Variants in ZNF536 observed in about 807,000 individuals in gnomAD.
ZNF536 encodes the protein zinc finger protein 536.
Under a neutral mutation model 84.5 loss-of-function variants are expected in ZNF536, and 13 were observed. The observed-to-expected ratio is 0.15, with a 90% CI of 0.10 to 0.24. The LOEUF (loss-of-function observed/expected upper bound fraction) is 0.24. Among genes scored for constraint, ZNF536 ranks in the 10% least tolerant of loss-of-function variants. The pLI is 1.00. For missense variants in ZNF536, 1,536 were observed against 1,747.5 expected, an observed-to-expected ratio of 0.88 and a Z score of 2.16; for synonymous variants, 811 against 742.5, an observed-to-expected ratio of 1.09 and a Z score of -1.50.
intron 1 of ZNF536, among the ~76,000 whole-genome samples, chr19:30,388,841 C>T (rs1452544028): frequency 6.6e-6 from 1 of 152,226 alleles, no homozygotes; most frequent in Non-Finnish European, 1.5e-5. Flanking sequence ...CCTCCACTTT[C>T]CAGGCTTAAA....
chr19:30,457,889 C>T (rs1473007306), intron 2 of ZNF536, among the ~76,000 whole-genome samples: 1 of 152,218 alleles, frequency 6.6e-6, no homozygotes, highest in African/African-American at 2.4e-5. Flanking sequence ...GAACGTCCAT[C>T]TGCAGCCTGC....
intron 1 of ZNF536, among the ~76,000 whole-genome samples, chr19:30,605,136 T>C (rs1390386991): frequency 6.6e-6 from 1 of 152,176 alleles, no homozygotes; most frequent in East Asian, 1.9e-4. Context: ...ATTGATGCTG[T>C]AGGAAGGTAA....
rs2148177637 is a variant in ZNF536 at position 30,444,290 on chromosome 19, A to G, written c.728A>G (p.Gln243Arg). The change falls in exon 2 of 5, where the codon CAG becomes CGG. Residue 243 changes from glutamine (Q) to arginine (R), a missense_variant. Physicochemically the swap from Gln to Arg is conservative, Grantham distance 43 (BLOSUM62 1). This residue lies in a region of ZNF536 where 138 missense variants were observed against 136.8 expected (regional missense o/e 1.01). Coordinates refer to ENST00000355537, the MANE Select transcript of ZNF536 (RefSeq NM_014717.3). Reference sequence around the variant, plus strand: ...CTGGCCGCCTGCACCCTGGCCCTGCAGGCTAACCACAGCGTTCCCGACGTG... The same window carrying G: ...CTGGCCGCCTGCACCCTGGCCCTGCGGGCTAACCACAGCGTTCCCGACGTG... ...APLAACTLALQANHSVPDVAH... is the reference protein window; with the variant it reads ...APLAACTLALRANHSVPDVAH... 1 of 1,574,548 alleles carries G rather than the reference A, an allele frequency of 6.4e-7. No individual in the cohort carries two copies. Among genetic ancestry groups the G allele is most frequent in the Non-Finnish European group, 8.6e-7 (1 of 1,167,924 alleles).
intron 1 of ZNF536, among the ~76,000 whole-genome samples, chr19:30,254,969 T>C (rs1269900531): frequency 6.6e-6 from 1 of 152,248 alleles, no homozygotes; most frequent in Non-Finnish European, 1.5e-5. Context: ...CTAGATATCA[T>C]GTTAACTTCT....
intron 1 of ZNF536, among the ~76,000 whole-genome samples, chr19:30,372,971 G>A (rs1568367143): frequency 6.6e-6 from 1 of 152,138 alleles, no homozygotes; most frequent in Non-Finnish European, 1.5e-5. Flanking sequence ...TGAAAGATGA[G>A]CATGAATTCT....
At chr19:30,335,334 C>T (rs549172467) in intron 2 of ZNF536, among the ~76,000 whole-genome samples, 3 of 152,264 alleles carry the variant, frequency 2.0e-5, no homozygotes, top group East Asian at 1.9e-4. Flanking sequence ...ATGAGAGGCT[C>T]GGTTACATCT....
chr19:30,564,537 G>A (rs1009538985), intron 1 of ZNF536, among the ~76,000 whole-genome samples: 4 of 152,072 alleles, frequency 2.6e-5, no homozygotes, highest in Non-Finnish European at 5.9e-5. Flanking sequence ...TGGTGGTCCT[G>A]GTGGTCAGGC....
chr19:30,485,037 G>A (rs1192680061), intron 2 of ZNF536, among the ~76,000 whole-genome samples: 2 of 151,954 alleles, frequency 1.3e-5, no homozygotes, highest in Non-Finnish European at 2.9e-5. Context: ...CCAGCTACTC[G>A]GGAGGCTGAG....
At chr19:30,329,695 C>G (rs1056938617) in intron 2 of ZNF536, among the ~76,000 whole-genome samples, 1 of 152,192 alleles carries the variant, frequency 6.6e-6, no homozygotes, top group Non-Finnish European at 1.5e-5. Flanking sequence ...TCTCTGCACC[C>G]AGCTGTACTA....
At chr19:30,237,559 G>C (rs768258819) in intron 1 of ZNF536, among the ~76,000 whole-genome samples, 1 of 152,170 alleles carries the variant, frequency 6.6e-6, no homozygotes, top group Non-Finnish European at 1.5e-5. Context: ...GGGCCAAGGC[G>C]ACCCTCCTTT....
At chr19:30,378,926 T>C (rs551971227) in intron 1 of ZNF536, among the ~76,000 whole-genome samples, 1 of 152,266 alleles carries the variant, frequency 6.6e-6, no homozygotes, top group Non-Finnish European at 1.5e-5. Flanking sequence ...GGCCTGTGTC[T>C]TGTCTCTCCC....
At chr19:30,595,567 G>T (rs1185025113) in intron 1 of ZNF536, among the ~76,000 whole-genome samples, 2 of 152,074 alleles carry the variant, frequency 1.3e-5, no homozygotes, top group Non-Finnish European at 2.9e-5. Context: ...GGATTACAGT[G>T]GTGAGCCACC....
rs1568542180 is a variant in ZNF536, at chr19:30,264,332, G to GGGGGAGGGGGTTTCACACCCTCCCCT, written c.-189-19738_-189-19713dup. Among the ~76,000 whole-genome samples the GGGGGAGGGGGTTTCACACCCTCCCCT allele has an allele frequency of 2.8e-4, 42 of 152,150 alleles. No homozygotes were observed. The East Asian group carries it at 8.2e-3, about 30-fold the overall frequency. On this transcript the variant is annotated intron_variant, in intron 1 of 5. Transcript: ENST00000585628. ...CCGGGTAGCTGGGAGACAATGCTGTGGGGGAGGGGGTTTCACACCCTCCCC... is the reference window on the plus strand; with the variant it reads ...CCGGGTAGCTGGGAGACAATGCTGTGGGGGAGGGGGTTTCACACCCTCCCCTGGGGAGGGGGTTTCACACCCTCCCC...
At chr19:30,302,603 T>C (rs2046220538) in intron 2 of ZNF536, among the ~76,000 whole-genome samples, 1 of 152,112 alleles carries the variant, frequency 6.6e-6, no homozygotes. Context: ...CAAGAGAAAG[T>C]GTCCTCTTTG....
intron 1 of ZNF536, among the ~76,000 whole-genome samples, chr19:30,393,787 G>T (rs1366952981): frequency 6.6e-6 from 1 of 152,216 alleles, no homozygotes; most frequent in Non-Finnish European, 1.5e-5. Context: ...GAAAGATTGA[G>T]GCGACGCCAC....
chr19:30,499,512 G>A (rs2054864471), intron 2 of ZNF536, among the ~76,000 whole-genome samples: 1 of 152,098 alleles, frequency 6.6e-6, no homozygotes, highest in Admixed American at 6.5e-5. Flanking sequence ...ATCTGTCTAT[G>A]TATCCATATA....
intron 2 of ZNF536, among the ~76,000 whole-genome samples, chr19:30,317,370 G>A (rs1413393313): frequency 6.6e-6 from 1 of 152,214 alleles, no homozygotes; most frequent in Admixed American, 6.5e-5. Flanking sequence ...CATTAGGAGA[G>A]CCCCTTGCAG....
At chr19:30,357,124 T>A (rs574266303) in intron 3 of ZNF536, among the ~76,000 whole-genome samples, 15 of 152,254 alleles carry the variant, frequency 9.9e-5, no homozygotes, top group African/African-American at 3.6e-4. Context: ...GAGCAATAAA[T>A]GCATAAGAAA....
At chr19:30,304,393 A>G (rs537066359) in intron 2 of ZNF536, among the ~76,000 whole-genome samples, 1 of 152,320 alleles carries the variant, frequency 6.6e-6, no homozygotes, top group Admixed American at 6.5e-5. Flanking sequence ...GCCTTCCAGA[A>G]GCCTTTGATG....
Sources: allele counts gnomAD v4.1 joint callset (sites outside exome capture counted in the v4.1 genomes callset), GRCh38; gene constraint gnomAD v4.1.1; regional missense constraint gnomAD v4.1.1; transcripts MANE v1.5; gene names NCBI Gene and HGNC (gene_info 2026-07-23, HGNC 2026-07-21).